The following PEDS1 variants were observed in gnomAD, a reference collection of about 807,000 sequenced individuals.
PEDS1 encodes plasmanylethanolamine desaturase 1.
A neutral mutation model predicts 35.2 loss-of-function variants in PEDS1; 14 were observed. The observed-to-expected ratio is 0.40, with a 90% confidence interval of 0.26 to 0.62. PEDS1 has a LOEUF of 0.62. PEDS1 is among the 20% of genes least tolerant of loss of function. PEDS1 has a pLI of 0.44. For missense variants in PEDS1, 260 were observed against 367.8 expected (o/e 0.71, Z 2.40); for synonymous variants, 152 against 152.0 (o/e 1.00, Z 0.00).
intron 5 of PEDS1, among the ~76,000 whole-genome samples, chr20:50,127,340 G>GTTTTTTTTT (rs11471254): frequency 4.6e-5 from 4 of 87,184 alleles, no homozygotes; most frequent in Non-Finnish European, 6.2e-5. Flanking sequence ...GTGTTTTCTG[G>GTTTTTTTTT]TTTTTTTTTT....
intron 1 of PEDS1, among the ~76,000 whole-genome samples, chr20:50,150,437 G>A (rs1223823022): frequency 6.6e-6 from 1 of 152,088 alleles, no homozygotes; most frequent in Admixed American, 6.6e-5. Flanking sequence ...TCCCTGGTCT[G>A]GACCAACCCT....
At chr20:50,131,926 G>A (rs1307374773) in intron 2 of PEDS1, among the ~76,000 whole-genome samples, 10 of 152,078 alleles carry the variant, frequency 6.6e-5, no homozygotes, top group African/African-American at 2.4e-4. Context: ...TGATGCGACT[G>A]GGCGCCGTGG....
Position 50,153,536 on chromosome 20 carries a change from C to T in PEDS1, c.102G>A (p.Leu34=). Residue 34 remains leucine (L), a synonymous_variant, in exon 1 of 6, where the codon CTG becomes CTA. Transcript: ENST00000371652. ...TCTTACCTGGCGAGTAGAGCGCAGC[C>T]AGCTCGCGGGCCCCGGCGTGCTGCG... The part of the protein sequence containing the change: ...WGAQHAGARE[L]AALYSPGKRL... 9.8e-6 allele frequency: 14 copies of T among 1,426,652 alleles called. No individual in the cohort carries two copies. The highest frequency in any genetic ancestry group is 1.3e-5 in the Non-Finnish European group (14 of 1,083,610). 88.4% of individuals were successfully genotyped at this position (1,426,652 alleles called of 1,614,324 possible).
chr20:50,124,966 G>C lies in PEDS1; in HGVS notation c.*92C>G. On this transcript the variant is annotated 3_prime_UTR_variant, in exon 6 of 6. Transcript: ENST00000371652. ...AGCCCAGGAGATGTCCTCTCCATCTGGAGGGGCCAGCTCAAAGAGGCTGGA... is the reference window on the plus strand; with the variant it reads ...AGCCCAGGAGATGTCCTCTCCATCTCGAGGGGCCAGCTCAAAGAGGCTGGA... 6.4e-7 allele frequency: 1 copy of C among 1,560,228 alleles called. No individual in the cohort carries two copies. The highest frequency in any genetic ancestry group is 8.7e-7 in the Non-Finnish European group (1 of 1,144,274).
At chr20:50,148,052 T>C (rs150229589) in intron 1 of PEDS1, among the ~76,000 whole-genome samples, 269 of 152,312 alleles carry the variant, frequency 1.8e-3, no homozygotes, top group Middle Eastern at 6.8e-3. Context: ...ATCGTGCCAC[T>C]GTACTCCAGC....
chr20:50,139,449 C>T (rs111462777), intron 2 of PEDS1, among the ~76,000 whole-genome samples: 27 of 152,100 alleles, frequency 1.8e-4, no homozygotes, highest in African/African-American at 6.3e-4. Context: ...CAGTCGACCC[C>T]CAAGACTCCT....
chr20:50,131,355 TCATGCTTTGTAATCC>T (rs1417833919), intron 2 of PEDS1, among the ~76,000 whole-genome samples: 1 of 152,182 alleles, frequency 6.6e-6, no homozygotes, highest in Admixed American at 6.5e-5. Flanking sequence ...GTGCGGTGGC[TCATGCTTTGTAATCC>T]CAGCACTTTG....
At position 50,129,537 on chromosome 20, in the gene PEDS1, G is replaced by C; in HGVS notation, c.478+9C>G. On this transcript the variant is annotated intron_variant, in intron 4 of 5. Coordinates refer to ENST00000371652, the MANE Select transcript of PEDS1 (RefSeq NM_199129.4). The surrounding 1 kb of genome is among the most constrained non-coding windows in gnomAD (Gnocchi z 4.2). ...CCCCTCCCAGCCCACCACTAGCTGG[G>C]TGTCTCACCAGGGCTGTGGGTGCGG... 6.2e-7 allele frequency: 1 copy of C among 1,614,072 alleles called. No individual in the cohort carries two copies. The highest frequency in any genetic ancestry group is 1.3e-5 in the African/African-American group (1 of 75,058).
At chr20:50,147,850 C>G (rs232735) in intron 1 of PEDS1, among the ~76,000 whole-genome samples, 73,039 of 151,812 alleles carry the variant, frequency 0.48, 17,730 homozygotes, top group Admixed American at 0.57. Flanking sequence ...GTCAAGAGTT[C>G]GAGATCAGCC....
At chr20:50,131,034 AT>A (rs747888120) in intron 2 of PEDS1, 87 bp from the exon 3 acceptor site, 4 of 1,604,866 alleles carry the variant, frequency 2.5e-6, no homozygotes, top group Non-Finnish European at 3.4e-6. Context: ...CCGCTCATTC[AT>A]TTGTTAGGAG....
chr20:50,145,078 T>G (rs6095789), intron 1 of PEDS1, among the ~76,000 whole-genome samples: 3,207 of 151,714 alleles, frequency 0.021, 114 homozygotes, highest in African/African-American at 0.072. Flanking sequence ...GGCGGGTACC[T>G]GTAATCCCAG....
intron 5 of PEDS1, among the ~76,000 whole-genome samples, chr20:50,127,762 G>A (rs1052000918): frequency 6.6e-6 from 1 of 152,236 alleles, no homozygotes; most frequent in Non-Finnish European, 1.5e-5. Flanking sequence ...TGAAGTCGAG[G>A]GAGAGGGCTT....
chr20:50,131,861 C>T (rs1379134483), intron 2 of PEDS1, among the ~76,000 whole-genome samples: 4 of 152,166 alleles, frequency 2.6e-5, no homozygotes, highest in Non-Finnish European at 4.4e-5. Flanking sequence ...CTAGCTGTGA[C>T]GCTGCACATG....
chr20:50,132,849 GCCT>G (rs1175320421), intron 2 of PEDS1, among the ~76,000 whole-genome samples: 2 of 152,102 alleles, frequency 1.3e-5, no homozygotes, highest in African/African-American at 4.8e-5. Flanking sequence ...CTCCACAAAG[GCCT>G]CCTGTGTGAT....
intron 5 of PEDS1, 144 bp from the exon 6 acceptor site, chr20:50,125,323 G>T: frequency 8.9e-7 from 1 of 1,118,916 alleles, no homozygotes; most frequent in Non-Finnish European, 1.2e-6. Context: ...CCAAGGAACT[G>T]GAAGTGGGGG....
At chr20:50,131,790 A>T (rs780581630) in intron 2 of PEDS1, among the ~76,000 whole-genome samples, 2 of 151,832 alleles carry the variant, frequency 1.3e-5, no homozygotes, top group Non-Finnish European at 2.9e-5. Flanking sequence ...TCAGACTCCA[A>T]CACCATTCAC....
rs2081134933 is a variant in PEDS1, at chr20:50,128,340, A to G, written c.479-153T>C. 6.6e-6 allele frequency among the ~76,000 whole-genome samples: 1 copy of G among 152,188 alleles called. No homozygotes were observed. ...CCCCTGCAGGGCCGCAGGCAAGCTCAGGTGCTGCCCTGGGCTTCAGGCTTT... is the reference window on the plus strand; with the variant it reads ...CCCCTGCAGGGCCGCAGGCAAGCTCGGGTGCTGCCCTGGGCTTCAGGCTTT... On this transcript the variant is annotated intron_variant, in intron 4 of 5. Transcript: ENST00000371652. This position sits in a 1 kb window ranked among gnomAD's most constrained non-coding sequence, Gnocchi z 5.2.
Position 50,129,240 on chromosome 20 carries a change from G to A in PEDS1, c.478+306C>T, listed in dbSNP as rs2081146620. 6.6e-6 allele frequency among the ~76,000 whole-genome samples: 1 copy of A among 152,198 alleles called. No individual in the cohort carries two copies. The highest frequency in any genetic ancestry group is 1.5e-5 in the Non-Finnish European group (1 of 68,028). On this transcript the variant is annotated intron_variant, in intron 4 of 5. Transcript: ENST00000371652. The surrounding 1 kb of genome is among the most constrained non-coding windows in gnomAD (Gnocchi z 4.2). ...AACAAGGTGGGTTGGGTGCAGGGAA[G>A]CAAGGAATAGTGGGGACGGTGGTAA...
At chr20:50,136,208 G>C (rs1373081017) in intron 2 of PEDS1, among the ~76,000 whole-genome samples, 2 of 152,168 alleles carry the variant, frequency 1.3e-5, no homozygotes, top group African/African-American at 4.8e-5. Context: ...GCCTCGCTTA[G>C]GCCGAATCTT....
Sources: allele counts gnomAD v4.1 joint callset (sites outside exome capture counted in the v4.1 genomes callset), GRCh38; gene constraint gnomAD v4.1.1; non-coding constraint Gnocchi (gnomAD v3.1); transcripts MANE v1.5; gene names NCBI Gene and HGNC (gene_info 2026-07-23, HGNC 2026-07-21).